The following CSMD1 variants were observed in gnomAD, a reference collection of about 807,000 sequenced individuals.
CSMD1 encodes CUB and Sushi multiple domains 1.
CSMD1 carries 213 observed loss-of-function variants against 417.5 expected under a neutral mutation model. The ratio of observed to expected loss-of-function variants is 0.51; its 90% CI spans 0.46 to 0.57. CSMD1 has a LOEUF of 0.57. Among genes scored for constraint, CSMD1 ranks in the 20% least tolerant of loss-of-function variants. The pLI is 0.00. For missense variants in CSMD1, 6,923 were observed against 4,529.7 expected (o/e 1.53, Z -15.17); for synonymous variants, 2,862 against 1,736.8 (o/e 1.65, Z -16.11).
At chr8:4,171,898 C>A (rs575012982) in intron 3 of CSMD1, among the ~76,000 whole-genome samples, 45 of 152,212 alleles carry the variant, frequency 3.0e-4, no homozygotes, top group African/African-American at 1.1e-3. Context: ...CAATTGTCTG[C>A]ATGTTTTTAC....
chr8:3,245,032 G>C (rs1187197104), intron 26 of CSMD1, among the ~76,000 whole-genome samples: 1 of 152,220 alleles, frequency 6.6e-6, no homozygotes, highest in Non-Finnish European at 1.5e-5. Flanking sequence ...AAAAGGACAG[G>C]AGGGTATTTT....
intron 31 of CSMD1, among the ~76,000 whole-genome samples, chr8:3,203,674 C>T (rs993453060): frequency 6.6e-6 from 1 of 152,062 alleles, no homozygotes; most frequent in Non-Finnish European, 1.5e-5. Context: ...CAAAGGCCAC[C>T]CTGAAAACAA....
At chr8:4,800,777 A>G (rs112214096) in intron 1 of CSMD1, among the ~76,000 whole-genome samples, 9,702 of 152,208 alleles carry the variant, frequency 0.064, 520 homozygotes, top group East Asian at 0.24. Context: ...GTGAGACACC[A>G]CCTAGGAGGT....
intron 6 of CSMD1, among the ~76,000 whole-genome samples, chr8:3,744,561 A>C (rs1461507391): frequency 1.3e-5 from 2 of 152,230 alleles, no homozygotes; most frequent in East Asian, 3.8e-4. Flanking sequence ...TCAGACTCCC[A>C]TGACTAGTTT....
intron 5 of CSMD1, among the ~76,000 whole-genome samples, chr8:3,935,258 A>G (rs1249349560): frequency 6.6e-6 from 1 of 152,222 alleles, no homozygotes; most frequent in African/African-American, 2.4e-5. Context: ...CAGAATCATT[A>G]TATGAAAGAA....
At chr8:4,503,211 G>A (rs544936532) in intron 2 of CSMD1, among the ~76,000 whole-genome samples, 4 of 152,084 alleles carry the variant, frequency 2.6e-5, no homozygotes, top group South Asian at 4.1e-4. Context: ...CTCTTGTACT[G>A]TAAAAGTCTA....
chr8:4,289,852 T>G (rs982595115), intron 3 of CSMD1, among the ~76,000 whole-genome samples: 1 of 152,192 alleles, frequency 6.6e-6, no homozygotes, highest in African/African-American at 2.4e-5. Context: ...GAGTAGATAT[T>G]CAAAGTGTAT....
Position 4,576,108 on chromosome 8 carries a change from C to G in CSMD1, c.302+61234G>C, listed in dbSNP as rs762381044. Reference sequence around the variant, plus strand: ...AGCATAATTGACCATTCAACCTCCTCTTTATTGCTAGCCTATCCCTCTTAG... The same window carrying G: ...AGCATAATTGACCATTCAACCTCCTGTTTATTGCTAGCCTATCCCTCTTAG... On this transcript the variant is annotated intron_variant, in intron 2 of 69. Transcript: ENST00000635120. Among the ~76,000 whole-genome samples, 63 of 152,372 alleles carry G rather than the reference C, an allele frequency of 4.1e-4. 1 individual carries two copies. The highest frequency in any genetic ancestry group is 2.8e-4 in the Non-Finnish European group (19 of 68,034).
chr8:4,593,436 C>T (rs536910689), intron 2 of CSMD1, among the ~76,000 whole-genome samples: 1 of 151,816 alleles, frequency 6.6e-6, no homozygotes, highest in Non-Finnish European at 1.5e-5. Context: ...ACTGAAATAC[C>T]CTTAAGCACA....
At chr8:3,260,396 G>C (rs1379441705) in intron 26 of CSMD1, among the ~76,000 whole-genome samples, 1 of 150,562 alleles carries the variant, frequency 6.6e-6, no homozygotes, top group African/African-American at 2.4e-5. Flanking sequence ...GAACAGGTTT[G>C]GAAAACACAT....
intron 23 of CSMD1, among the ~76,000 whole-genome samples, chr8:3,326,900 G>A (rs1563275886): frequency 6.6e-6 from 1 of 152,104 alleles, no homozygotes; most frequent in Admixed American, 6.6e-5. Flanking sequence ...ACATTGATAG[G>A]AAAGTTTTGC....
intron 12 of CSMD1, among the ~76,000 whole-genome samples, chr8:3,425,544 C>T (rs111330874): frequency 0.31 from 44,943 of 146,288 alleles, 7,259 homozygotes; most frequent in South Asian, 0.41. Flanking sequence ...TCTGAGATTG[C>T]GCCACTGCAC....
chr8:3,530,733 T>C (rs1585313146), intron 10 of CSMD1, among the ~76,000 whole-genome samples: 2 of 152,166 alleles, frequency 1.3e-5, no homozygotes, highest in East Asian at 3.9e-4. Flanking sequence ...TTCACCATGT[T>C]GGCCAGGCTG....
At chr8:4,768,833 T>C (rs1796457067) in intron 1 of CSMD1, among the ~76,000 whole-genome samples, 1 of 152,178 alleles carries the variant, frequency 6.6e-6, no homozygotes, top group Non-Finnish European at 1.5e-5. Context: ...GCAGTTATTA[T>C]TCATATGGGA....
chr8:3,900,998 G>A (rs1248256994), intron 5 of CSMD1, among the ~76,000 whole-genome samples: 2 of 152,158 alleles, frequency 1.3e-5, no homozygotes, highest in Admixed American at 6.5e-5. Flanking sequence ...ATTATTGCTA[G>A]CTGTCATAGT....
At chr8:4,883,803 TA>T (rs1429986938) in intron 1 of CSMD1, among the ~76,000 whole-genome samples, 3 of 151,934 alleles carry the variant, frequency 2.0e-5, no homozygotes, top group Admixed American at 2.0e-4. Flanking sequence ...ACACAAAAAA[TA>T]TTTTTTTGTG....
chr8:4,065,064 T>A (rs1174294199), intron 3 of CSMD1, among the ~76,000 whole-genome samples: 4 of 152,230 alleles, frequency 2.6e-5, no homozygotes, highest in Non-Finnish European at 4.4e-5. Flanking sequence ...AATTACTGAT[T>A]ATAATTTTAC....
chr8:3,330,247 C>T (rs1806803722), intron 23 of CSMD1, among the ~76,000 whole-genome samples: 1 of 152,186 alleles, frequency 6.6e-6, no homozygotes, highest in Admixed American at 6.5e-5. Context: ...AACAACTTGC[C>T]TATACTCAGA....
intron 7 of CSMD1, among the ~76,000 whole-genome samples, chr8:3,630,423 G>T (rs545349877): frequency 7.2e-5 from 11 of 152,258 alleles, no homozygotes; most frequent in Admixed American, 3.3e-4. Flanking sequence ...AGATGAATTG[G>T]CCCAAACCAC....
Sources: gnomAD v4.1 joint callset for allele counts (sites outside exome capture counted in the v4.1 genomes callset) on GRCh38, gnomAD v4.1.1 for gene constraint, MANE v1.5 for transcripts, NCBI Gene and HGNC (gene_info 2026-07-23, HGNC 2026-07-21) for gene names.